Variants in SBF2 observed in about 807,000 individuals in gnomAD.
SBF2 encodes SET binding factor 2, also known as myotubularin-related protein 13.
A neutral mutation model predicts 225.2 loss-of-function variants in SBF2; 112 were observed. The ratio of observed to expected loss-of-function variants is 0.50; its 90% CI spans 0.43 to 0.58. The LOEUF (loss-of-function observed/expected upper bound fraction) is 0.58. Among genes scored for constraint, SBF2 ranks in the 20% least tolerant of loss-of-function variants. The probability of loss-of-function intolerance (pLI) is 0.00; values close to 1 mark genes in which losing one functional copy is unlikely to be tolerated. For synonymous variants in SBF2, 763 were observed against 773.3 expected (o/e 0.99, Z 0.22); for missense variants, 1,996 against 2,206.2 (o/e 0.90, Z 1.91).
Position 9,824,135 on chromosome 11 carries a change from A to G in SBF2, c.3793+5221T>C, listed in dbSNP as rs370295297. Among the ~76,000 whole-genome samples the G allele has an allele frequency of 4.6e-5, 7 of 152,366 alleles. No individual in the cohort carries two copies. In the South Asian group the frequency reaches 6.2e-4, roughly 14 times the overall value. Reference sequence around the variant, plus strand: ...GATTTTAATCTGAAAAGGTAAATACAGCCTTCTGGGTGCCTTTAGGATTAG... The same window carrying G: ...GATTTTAATCTGAAAAGGTAAATACGGCCTTCTGGGTGCCTTTAGGATTAG... On this transcript the variant is annotated intron_variant, in intron 28 of 39. Coordinates refer to ENST00000256190, the MANE Select transcript of SBF2 (RefSeq NM_030962.4).
At chr11:10,092,337 T>C (rs1312905339) in intron 2 of SBF2, among the ~76,000 whole-genome samples, 1 of 152,136 alleles carries the variant, frequency 6.6e-6, no homozygotes, top group Non-Finnish European at 1.5e-5. Context: ...GTAATTTTTA[T>C]TGTTATATTT....
chr11:9,872,887 T>C (rs909848823), intron 17 of SBF2, among the ~76,000 whole-genome samples: 2 of 152,128 alleles, frequency 1.3e-5, no homozygotes, highest in Non-Finnish European at 2.9e-5. Flanking sequence ...AACATAGTTG[T>C]GTCTGAAAAG....
intron 16 of SBF2, among the ~76,000 whole-genome samples, chr11:9,931,565 C>T (rs899177027): frequency 6.6e-6 from 1 of 152,206 alleles, no homozygotes; most frequent in Non-Finnish European, 1.5e-5. Flanking sequence ...AACTAAACAA[C>T]AGAAAGGAAT....
At chr11:9,788,074 A>C (rs367628923) in intron 35 of SBF2, 1 of 365,886 alleles carries the variant, frequency 2.7e-6, no homozygotes, top group Non-Finnish European at 5.2e-6. Context: ...GAGGTCAAGC[A>C]CTGGCCCGTG....
intron 21 of SBF2, among the ~76,000 whole-genome samples, chr11:9,851,651 G>C (rs180742220): frequency 6.6e-6 from 1 of 152,200 alleles, no homozygotes; most frequent in African/African-American, 2.4e-5. Flanking sequence ...GCTCTAGTGA[G>C]TTTAGAGCTA....
chr11:9,791,710 G>A (rs1172233107), intron 33 of SBF2, among the ~76,000 whole-genome samples: 1 of 152,230 alleles, frequency 6.6e-6, no homozygotes, highest in East Asian at 1.9e-4. Context: ...TGCTCTAGGG[G>A]TTGCAGTAAG....
At chr11:9,882,815 AAAAAAC>A (rs1338805472) in intron 17 of SBF2, among the ~76,000 whole-genome samples, 52 of 150,932 alleles carry the variant, frequency 3.4e-4, no homozygotes, top group African/African-American at 1.1e-3. Context: ...AAAAAAAAAA[AAAAAAC>A]CACCAAAAAA....
chr11:9,787,164 G>A (rs1326022586), intron 36 of SBF2, among the ~76,000 whole-genome samples: 1 of 152,160 alleles, frequency 6.6e-6, no homozygotes, highest in African/African-American at 2.4e-5. Flanking sequence ...AAAGTGCTGG[G>A]ATTATAGGCG....
Position 10,190,955 on chromosome 11 carries a change from T to G in SBF2, c.141+2947A>C, listed in dbSNP as rs75391861. 3.9e-4 allele frequency among the ~76,000 whole-genome samples: 60 copies of G among 152,320 alleles called. No individual in the cohort carries two copies. The East Asian group carries it at 0.011, about 28-fold the overall frequency. Reference sequence around the variant, plus strand: ...AAGAGTCAAAAGATCAGGGTTTGAATCCTAGCTCTGCTGTATCCTTGCTGT... The same window carrying G: ...AAGAGTCAAAAGATCAGGGTTTGAAGCCTAGCTCTGCTGTATCCTTGCTGT... On this transcript the variant is annotated intron_variant, in intron 2 of 39. Coordinates refer to ENST00000256190, the MANE Select transcript of SBF2 (RefSeq NM_030962.4).
intron 2 of SBF2, among the ~76,000 whole-genome samples, chr11:10,158,520 T>A (rs533920593): frequency 3.3e-5 from 5 of 151,996 alleles, no homozygotes; most frequent in Non-Finnish European, 7.4e-5. Context: ...AGAAATAGAA[T>A]CATAAGAGAT....
rs369969768 is a variant in SBF2, at chr11:9,816,950, G to T, written c.3868C>A (p.Leu1290Met). The T allele has an allele frequency of 2.5e-6, 4 of 1,614,182 alleles. No individual in the cohort carries two copies. The highest frequency in any genetic ancestry group is 1.7e-5 in the Admixed American group (1 of 60,026). Residue 1290 changes from leucine (L) to methionine (M), a missense_variant, in exon 29 of 40, where the codon CTG (leucine) becomes ATG (methionine). Leu to Met is a conservative substitution (Grantham distance 15, BLOSUM62 2). Coordinates refer to ENST00000256190, the MANE Select transcript of SBF2 (RefSeq NM_030962.4). ...PTSFIDVGAR[L>M]AGKDHSASFS... ...GAGGCCGAGTGATCCTTGCCTGCCAGCCGGGCGCCAACATCAATGAAGGAT... is the reference window on the plus strand; with the variant it reads ...GAGGCCGAGTGATCCTTGCCTGCCATCCGGGCGCCAACATCAATGAAGGAT...
chr11:10,265,858 TG>T (rs1446861634), intron 1 of SBF2, among the ~76,000 whole-genome samples: 1 of 36,310 alleles, frequency 2.8e-5, no homozygotes, highest in Non-Finnish European at 7.5e-5. Context: ...CCAGGCTAAT[TG>T]TGTGTGTGTG....
chr11:10,288,972 C>T (rs961900283), intron 1 of SBF2, among the ~76,000 whole-genome samples: 5 of 152,188 alleles, frequency 3.3e-5, no homozygotes, highest in African/African-American at 9.7e-5. Flanking sequence ...TGCCCCCTTC[C>T]GCCATCCACG....
chr11:9,932,634 T>A (rs552627469), intron 16 of SBF2, among the ~76,000 whole-genome samples: 8 of 151,260 alleles, frequency 5.3e-5, no homozygotes, highest in African/African-American at 2.0e-4. Flanking sequence ...GAAGGAAGCA[T>A]AAACATGGAA....
intron 2 of SBF2, among the ~76,000 whole-genome samples, chr11:10,132,656 G>C (rs1263448638): frequency 6.7e-6 from 1 of 149,052 alleles, no homozygotes; most frequent in African/African-American, 2.5e-5. Context: ...TGGACCCAAA[G>C]AGTGAGCAGT....
Position 10,286,166 on chromosome 11 carries a change from G to GCACACA in SBF2, c.55+7843_55+7848dup, listed in dbSNP as rs57445416. Among the ~76,000 whole-genome samples the GCACACA allele has an allele frequency of 3.0e-3, 440 of 147,350 alleles. 2 individuals are homozygous for GCACACA. Among genetic ancestry groups the GCACACA allele is most frequent in the African/African-American group, 9.1e-3 (361 of 39,856 alleles). ...AATTTCTTCACATAAACACGCACAC[G>GCACACA]CACACACACACACACACACACACAC... On this transcript the variant is annotated intron_variant, in intron 1 of 39. Transcript: ENST00000256190.
chr11:10,223,798 G>C (rs767018414), intron 1 of SBF2, among the ~76,000 whole-genome samples: 1 of 152,028 alleles, frequency 6.6e-6, no homozygotes, highest in Non-Finnish European at 1.5e-5. Flanking sequence ...TTACTGGAGA[G>C]ATAAACTGTT....
chr11:10,234,984 C>T (rs899595192), intron 1 of SBF2, among the ~76,000 whole-genome samples: 3 of 151,814 alleles, frequency 2.0e-5, no homozygotes, highest in African/African-American at 4.8e-5. Flanking sequence ...CATGGCACTT[C>T]CTACGTACAA....
Position 10,047,638 on chromosome 11 carries a change from C to T in SBF2, c.142-4657G>A, listed in dbSNP as rs189266760. ...TCTTTTGTACAGACGTTTTCCAAAA[C>T]TAGCTCCTCCTTTCACTGTCTCATT... On this transcript the variant is annotated intron_variant, in intron 2 of 39. Transcript: ENST00000256190. Among the ~76,000 whole-genome samples the T allele has an allele frequency of 1.6e-3, 243 of 152,234 alleles. 1 individual carries two copies. The highest frequency in any genetic ancestry group is 5.6e-3 in the African/African-American group (233 of 41,558).
Sources: gnomAD v4.1 joint callset for allele counts (sites outside exome capture counted in the v4.1 genomes callset) on GRCh38, gnomAD v4.1.1 for gene constraint, MANE v1.5 for transcripts, NCBI Gene and HGNC (gene_info 2026-07-23, HGNC 2026-07-21) for gene names.